Variants in DAAM1 observed in about 807,000 individuals in gnomAD.
DAAM1 encodes dishevelled associated activator of morphogenesis 1.
In DAAM1, 52 loss-of-function variants were observed where a neutral mutation model predicts 130.0. The ratio of observed to expected loss-of-function variants is 0.40; its 90% CI spans 0.32 to 0.50. DAAM1 has a LOEUF of 0.50. Among genes scored for constraint, DAAM1 ranks in the 20% least tolerant of loss-of-function variants. The pLI is 0.61. For synonymous variants in DAAM1, 452 were observed against 444.5 expected (o/e 1.02, Z -0.21); for missense variants, 1,134 against 1,303.8 (o/e 0.87, Z 2.01).
At chr14:59,313,997 A>G (rs1884691101) in intron 3 of DAAM1, among the ~76,000 whole-genome samples, 1 of 152,250 alleles carries the variant, frequency 6.6e-6, no homozygotes, top group Non-Finnish European at 1.5e-5. Context: ...AGCAATAGTT[A>G]CTTTGCCCCC....
intron 5 of DAAM1, among the ~76,000 whole-genome samples, chr14:59,321,935 A>G (rs1159568203): frequency 6.6e-6 from 1 of 152,224 alleles, no homozygotes; most frequent in African/African-American, 2.4e-5. Context: ...TAATATGTAC[A>G]TGTGCATTGT....
chr14:59,234,251 C>T (rs1291841188), intron 1 of DAAM1, among the ~76,000 whole-genome samples: 1 of 152,140 alleles, frequency 6.6e-6, no homozygotes, highest in Non-Finnish European at 1.5e-5. Flanking sequence ...TTGATTATTC[C>T]TATCCATGAG....
chr14:59,202,201 C>G (rs1264818618), intron 1 of DAAM1, among the ~76,000 whole-genome samples: 1 of 152,148 alleles, frequency 6.6e-6, no homozygotes, highest in Non-Finnish European at 1.5e-5. Flanking sequence ...TGTGAGCTTC[C>G]TGTGAGACCC....
intron 1 of DAAM1, among the ~76,000 whole-genome samples, chr14:59,225,879 C>T (rs1248606757): frequency 2.6e-5 from 4 of 152,102 alleles, no homozygotes; most frequent in Non-Finnish European, 5.9e-5. Flanking sequence ...AATGTAAGAT[C>T]ATGCTATTAA....
chr14:59,287,278 A>G (rs985098941), intron 2 of DAAM1, among the ~76,000 whole-genome samples: 1 of 152,194 alleles, frequency 6.6e-6, no homozygotes, highest in Non-Finnish European at 1.5e-5. Context: ...TCAAAGGAAC[A>G]TACCTCAAAA....
chr14:59,225,940 A>G (rs1458127137), intron 1 of DAAM1, among the ~76,000 whole-genome samples: 1 of 152,196 alleles, frequency 6.6e-6, no homozygotes, highest in Non-Finnish European at 1.5e-5. Context: ...ATATTAATTG[A>G]ACCCTCTTAC....
intron 1 of DAAM1, among the ~76,000 whole-genome samples, chr14:59,218,167 C>T (rs764003466): frequency 5.3e-5 from 8 of 152,064 alleles, no homozygotes; most frequent in Admixed American, 1.3e-4. Context: ...TAATTTCCTC[C>T]GTCAAACTAG....
rs371080759 is a variant in DAAM1 at position 59,350,237 on chromosome 14, G to A, written c.2161-2289G>A. Among the ~76,000 whole-genome samples the A allele has an allele frequency of 1.4e-4, 21 of 151,920 alleles. 1 individual carries two copies. Among genetic ancestry groups the A allele is most frequent in the Admixed American group, 8.5e-4 (13 of 15,254 alleles). On this transcript the variant is annotated intron_variant, in intron 17 of 24. Coordinates refer to ENST00000360909, the MANE Select transcript of DAAM1 (RefSeq NM_001270520.2). Reference sequence around the variant, plus strand: ...GATGGAGGGGATGTCTCTTCCCTTCGCTCTGGCCCCATTCCTTTCTTCTAG... The same window carrying A: ...GATGGAGGGGATGTCTCTTCCCTTCACTCTGGCCCCATTCCTTTCTTCTAG...
chr14:59,326,529 T>C lies in DAAM1; in HGVS notation c.1194T>C (p.Thr398=). The change falls in exon 11 of 25, where the codon ACT becomes ACC. Residue 398 remains threonine (T), a synonymous_variant. Coordinates refer to ENST00000360909, the MANE Select transcript of DAAM1 (RefSeq NM_001270520.2). ...LQMPYKRSGN[T]VQYWLLLDRI... is the part of the protein sequence containing the mutation. Reference sequence around the variant, plus strand: ...TTTTAGACAAGAGGAGTGGCAACACTGTTCAGTACTGGCTACTACTAGATA... The same window carrying C: ...TTTTAGACAAGAGGAGTGGCAACACCGTTCAGTACTGGCTACTACTAGATA... 6.2e-7 allele frequency: 1 copy of C among 1,600,062 alleles called. No homozygotes were observed. The highest frequency in any genetic ancestry group is 8.5e-7 in the Non-Finnish European group (1 of 1,173,968).
At chr14:59,244,685 A>C (rs950745010) in intron 1 of DAAM1, among the ~76,000 whole-genome samples, 7 of 152,096 alleles carry the variant, frequency 4.6e-5, no homozygotes, top group African/African-American at 1.7e-4. Context: ...TACCTTTTTG[A>C]GGAAAAACCA....
At chr14:59,230,441 A>G (rs1201219015) in intron 1 of DAAM1, among the ~76,000 whole-genome samples, 1 of 152,144 alleles carries the variant, frequency 6.6e-6, no homozygotes, top group Non-Finnish European at 1.5e-5. Context: ...AAAATATAAC[A>G]GATACTAATT....
chr14:59,355,417 C>T (rs897330442), intron 20 of DAAM1, 84 bp downstream of exon 20: 4 of 1,485,484 alleles, frequency 2.7e-6, no homozygotes, highest in Non-Finnish European at 3.7e-6. Context: ...CCTCCTCAGC[C>T]TTCATGACAC....
chr14:59,331,096 A>G, intron 13 of DAAM1, 113 bp from the exon 14 acceptor site: 1 of 1,499,758 alleles, frequency 6.7e-7, no homozygotes, highest in Admixed American at 2.2e-5. Flanking sequence ...AAACATTCTC[A>G]GAAGGGTGAA....
chr14:59,260,478 G>A (rs1054928587), intron 1 of DAAM1, among the ~76,000 whole-genome samples: 6 of 151,982 alleles, frequency 3.9e-5, no homozygotes, highest in African/African-American at 1.5e-4. Flanking sequence ...ATGGGACACT[G>A]TATTGTTTAT....
intron 5 of DAAM1, among the ~76,000 whole-genome samples, chr14:59,320,790 G>C (rs1384254079): frequency 6.6e-6 from 1 of 152,120 alleles, no homozygotes. Flanking sequence ...ACAAAACAGA[G>C]AGAGACTTTA....
intron 3 of DAAM1, among the ~76,000 whole-genome samples, chr14:59,312,169 T>G (rs1884624731): frequency 2.6e-5 from 4 of 152,204 alleles, no homozygotes; most frequent in Admixed American, 2.6e-4. Context: ...TGTGAACAAT[T>G]ACTACCAAAA....
chr14:59,199,864 A>G (rs978949635), intron 1 of DAAM1, among the ~76,000 whole-genome samples: 1 of 152,160 alleles, frequency 6.6e-6, no homozygotes, highest in Non-Finnish European at 1.5e-5. Context: ...CCCCTCCTCC[A>G]GTTGAGACAG....
chr14:59,324,501 T>G (rs773480310), intron 8 of DAAM1, 47 bp downstream of exon 8: 4 of 1,315,510 alleles, frequency 3.0e-6, no homozygotes, highest in Non-Finnish European at 4.2e-6. Flanking sequence ...GTTTCCCATC[T>G]GTGTAATGCA....
At chr14:59,195,315 TTGTATTTTTAGTAGAGA>T (rs1887854941) in intron 1 of DAAM1, among the ~76,000 whole-genome samples, 1 of 152,104 alleles carries the variant, frequency 6.6e-6, no homozygotes, top group Non-Finnish European at 1.5e-5. Context: ...AGCTAATTTT[TTGTATTTTTAGTAGAGA>T]TGGGGTTTCA....
Sources: allele counts gnomAD v4.1 joint callset (sites outside exome capture counted in the v4.1 genomes callset), GRCh38; gene constraint gnomAD v4.1.1; transcripts MANE v1.5; gene names NCBI Gene and HGNC (gene_info 2026-07-23, HGNC 2026-07-21).